The following TRAF3IP2 variants were observed in gnomAD, a reference collection of about 807,000 sequenced individuals.
TRAF3IP2 encodes the protein E3 ubiquitin ligase TRAF3IP2.
A neutral mutation model predicts 57.9 loss-of-function variants in TRAF3IP2; 35 were observed. The observed-to-expected ratio is 0.60, with a 90% CI of 0.46 to 0.80. The LOEUF is 0.80. TRAF3IP2 is among the 30% of genes least tolerant of loss of function. The probability of loss-of-function intolerance (pLI) is 0.00; values close to 1 mark genes in which losing one functional copy is unlikely to be tolerated. For missense variants in TRAF3IP2, 556 were observed against 706.4 expected, an observed-to-expected ratio of 0.79 and a Z score of 2.41; for synonymous variants, 251 against 268.9, an observed-to-expected ratio of 0.93 and a Z score of 0.65.
At chr6:111,567,423 T>C (rs902555673) in intron 6 of TRAF3IP2, 14 of 1,311,570 alleles carry the variant, frequency 1.1e-5, no homozygotes, top group Non-Finnish European at 1.4e-5. Flanking sequence ...TGACCGTTAT[T>C]TCCTGCCTGT....
rs1795965039 is a variant in TRAF3IP2, at chr6:111,575,770, G to A, written c.1074C>T (p.Ser358=). The A allele has an allele frequency of 6.2e-7, 1 of 1,610,476 alleles. No individual in the cohort carries two copies. Among genetic ancestry groups the A allele is most frequent in the East Asian group, 2.2e-5 (1 of 44,854 alleles). The change falls in exon 4 of 9, where the codon TCC becomes TCT. Residue 358 remains serine (S), a synonymous_variant. Transcript: ENST00000368761. ...GTCTCAGCTCTGCAGGGCACTCCAA[G>A]GACTCCCCAGGAGCACCAGCTCTAT... ...PPNRAGAPGE[S]LECPAELRPQ... is the part of the protein sequence containing the mutation.
intron 7 of TRAF3IP2, among the ~76,000 whole-genome samples, chr6:111,563,981 GAGA>G (rs1795537972): frequency 6.6e-6 from 1 of 152,210 alleles, no homozygotes; most frequent in African/African-American, 2.4e-5. Flanking sequence ...GTCATCTGAT[GAGA>G]AGGAGACGAG....
intron 1 of TRAF3IP2, among the ~76,000 whole-genome samples, chr6:111,598,684 G>A (rs1796770715): frequency 6.6e-6 from 1 of 152,210 alleles, no homozygotes; most frequent in African/African-American, 2.4e-5. Flanking sequence ...GGCTAGGAAT[G>A]GGGTAGGAAA....
At chr6:111,595,472 C>A (rs548758303) in intron 1 of TRAF3IP2, among the ~76,000 whole-genome samples, 27 of 152,306 alleles carry the variant, frequency 1.8e-4, no homozygotes, top group African/African-American at 6.3e-4. Flanking sequence ...TGACTATACG[C>A]CCAACTGAAA....
At chr6:111,568,922 T>A (rs1405879156) in intron 5 of TRAF3IP2, among the ~76,000 whole-genome samples, 3 of 152,228 alleles carry the variant, frequency 2.0e-5, no homozygotes, top group Non-Finnish European at 4.4e-5. Context: ...CCACTAATGA[T>A]ACTGGACAAT....
rs1795308749 is a variant in TRAF3IP2 at position 111,558,151 on chromosome 6, A to C, written c.*1254T>G. ...TTTAGAATTTAGGTCCTAGACTTCA[A>C]ATCTTTTAGAGTGATTAGAGATGCT... is the stretch of plus-strand genomic sequence containing the variant. On this transcript the variant is annotated 3_prime_UTR_variant, in exon 9 of 9. Transcript: ENST00000368761. 1 of 152,222 alleles carries C rather than the reference A, an allele frequency of 6.6e-6. No individual in the cohort carries two copies. Among genetic ancestry groups the C allele is most frequent in the East Asian group, 1.9e-4 (1 of 5,192 alleles). 9.4% of individuals were successfully genotyped at this position (152,222 alleles called of 1,614,324 possible).
At chr6:111,571,426 C>T (rs114279157) in intron 5 of TRAF3IP2, among the ~76,000 whole-genome samples, 1,844 of 151,918 alleles carry the variant, frequency 0.012, 39 homozygotes, top group African/African-American at 0.042. Flanking sequence ...TGCCTAGGCT[C>T]GTCCCGAACT....
chr6:111,576,243 G>C (rs1795982295), intron 3 of TRAF3IP2: 1 of 170,820 alleles, frequency 5.9e-6, no homozygotes. Flanking sequence ...AAGGTAAAGA[G>C]GGCCATGTAG....
Position 111,592,078 on chromosome 6 carries a change from T to C in TRAF3IP2, c.9A>G (p.Arg3=). ...ATTCATCAACCTCCACAGGAATGCTTCGGTTCATTCTAGTTTCTGGAACAA... is the reference window on the plus strand; with the variant it reads ...ATTCATCAACCTCCACAGGAATGCTCCGGTTCATTCTAGTTTCTGGAACAA... MN[R]SIPVEVDESE... is the part of the protein sequence containing the mutation. Residue 3 remains arginine, a synonymous_variant, in exon 2 of 9, where the codon CGA becomes CGG. Transcript: ENST00000368761. The C allele has an allele frequency of 3.1e-6, 5 of 1,613,160 alleles. No individual in the cohort carries two copies. The highest frequency in any genetic ancestry group is 4.2e-6 in the Non-Finnish European group (5 of 1,179,296).
At chr6:111,594,280 G>C (rs964764767) in intron 1 of TRAF3IP2, among the ~76,000 whole-genome samples, 1 of 151,940 alleles carries the variant, frequency 6.6e-6, no homozygotes, top group Non-Finnish European at 1.5e-5. Context: ...TTGTGTCATC[G>C]TCTACATGCA....
At chr6:111,604,885 G>A (rs1679938621) in intron 1 of TRAF3IP2, among the ~76,000 whole-genome samples, 2 of 152,124 alleles carry the variant, frequency 1.3e-5, no homozygotes, top group South Asian at 4.1e-4. Flanking sequence ...CTACCCCTCT[G>A]GGACTATCCT....
chr6:111,562,003 C>T (rs894508611), intron 8 of TRAF3IP2, among the ~76,000 whole-genome samples: 5 of 152,190 alleles, frequency 3.3e-5, no homozygotes, highest in Non-Finnish European at 5.9e-5. Flanking sequence ...CTCCCTCATC[C>T]AGGGCAGGGG....
intron 7 of TRAF3IP2, 117 bp downstream of exon 7, chr6:111,566,327 G>A: frequency 1.2e-6 from 1 of 820,904 alleles, no homozygotes; most frequent in Non-Finnish European, 2.0e-6. Flanking sequence ...CAAGCCTGGA[G>A]CTCTTCACCC....
In TRAF3IP2 at chr6:111,575,642, C is replaced by CAA; in HGVS notation, c.1201_1201+1insTT (p.Arg401LeufsTer17). Reference sequence around the variant, plus strand: ...AGAGAACAATGTTGCAAACAACTTACGCAATTCTTCTGGCAAATTGCTTGT... The same window carrying CAA: ...AGAGAACAATGTTGCAAACAACTTACAAGCAATTCTTCTGGCAAATTGCTTGT... On this transcript the variant is annotated frameshift_variant and splice_region_variant. Transcript: ENST00000368761. LOFTEE classifies it high-confidence loss of function. The CAA allele has an allele frequency of 1.2e-6, 2 of 1,605,880 alleles. No individual in the cohort carries two copies. Among genetic ancestry groups the CAA allele is most frequent in the Non-Finnish European group, 1.7e-6 (2 of 1,176,446 alleles).
At chr6:111,599,123 G>A (rs1280373544) in intron 1 of TRAF3IP2, among the ~76,000 whole-genome samples, 1 of 147,844 alleles carries the variant, frequency 6.8e-6, no homozygotes, top group Admixed American at 6.9e-5. Flanking sequence ...GCCTAGGCTG[G>A]TCTCGAACTC....
At chr6:111,579,618 G>C (rs997649261) in intron 3 of TRAF3IP2, among the ~76,000 whole-genome samples, 6 of 152,072 alleles carry the variant, frequency 3.9e-5, no homozygotes, top group Non-Finnish European at 8.8e-5. Context: ...TCTAGTCCCA[G>C]CTACTTAGGA....
In TRAF3IP2 at chr6:111,559,290, C is replaced by G; in HGVS notation, c.*115G>C. The G allele has an allele frequency of 1.4e-6, 2 of 1,434,162 alleles. No individual in the cohort carries two copies. Among genetic ancestry groups the G allele is most frequent in the East Asian group, 4.6e-5 (2 of 43,684 alleles). The allele number at this position is 1,434,162 out of a possible 1,614,324, so 88.8% of individuals were successfully genotyped here. A position where few individuals can be genotyped will look rare whatever the true frequency, so the allele number is the denominator to read the frequency against. ...GTTTCCTGGGGGCCAGAGGGCCTCT[C>G]GGGGAGGAACAGAAAAAAACCAGCC... is the stretch of plus-strand genomic sequence containing the variant. On this transcript the variant is annotated 3_prime_UTR_variant, in exon 9 of 9. Coordinates refer to ENST00000368761, the MANE Select transcript of TRAF3IP2 (RefSeq NM_147686.4).
intron 1 of TRAF3IP2, chr6:111,601,178 T>C (rs745683586): frequency 2.6e-6 from 2 of 776,726 alleles, no homozygotes; most frequent in South Asian, 2.7e-5. Context: ...GTAATAAATA[T>C]GCTTCAGAGC....
chr6:111,601,345 G>A, intron 1 of TRAF3IP2: 1 of 560,650 alleles, frequency 1.8e-6, no homozygotes, highest in African/African-American at 1.9e-5. Flanking sequence ...CATTTGACTG[G>A]ATCTCATTAA....
Sources: allele counts gnomAD v4.1 joint callset (sites outside exome capture counted in the v4.1 genomes callset), GRCh38; gene constraint gnomAD v4.1.1; transcripts MANE v1.5; gene names NCBI Gene and HGNC (gene_info 2026-07-23, HGNC 2026-07-21).